CTNNA3: variants seen among roughly 807,000 people sequenced by gnomAD.
CTNNA3 encodes the protein catenin alpha 3.
Under a neutral mutation model 95.7 loss-of-function variants are expected in CTNNA3, and 76 were observed. The ratio of observed to expected loss-of-function variants is 0.79; its 90% CI spans 0.66 to 0.96. The LOEUF (loss-of-function observed/expected upper bound fraction) is 0.96, where lower values mean the gene tolerates loss of function less well. Ranked by LOEUF, CTNNA3 falls within the 40% of genes least tolerant of loss-of-function variation. The probability of loss-of-function intolerance (pLI) is 0.00; values close to 1 mark genes in which losing one functional copy is unlikely to be tolerated. For synonymous variants in CTNNA3, 431 were observed against 374.4 expected, an observed-to-expected ratio of 1.15 and a Z score of -1.74; for missense variants, 1,191 against 1,089.8, an observed-to-expected ratio of 1.09 and a Z score of -1.31.
At chr10:67,611,595 C>T (rs1264455291) in intron 2 of CTNNA3, among the ~76,000 whole-genome samples, 2 of 152,298 alleles carry the variant, frequency 1.3e-5, no homozygotes, top group African/African-American at 4.8e-5. Context: ...GGATTACAGG[C>T]GTGAGCCACT....
Position 67,395,020 on chromosome 10 carries a change from AT to A in CTNNA3, c.579+126821del, listed in dbSNP as rs1264489636. 7.2e-5 allele frequency among the ~76,000 whole-genome samples: 11 copies of A among 152,214 alleles called. No individual in the cohort carries two copies. The East Asian group carries it at 1.9e-3, about 27-fold the overall frequency. Reference sequence around the variant, plus strand: ...TTAATCCTGATTTTTACACTTGCAGATTTTCCCCCACCAAATTTATCTTAAA... The same window carrying A: ...TTAATCCTGATTTTTACACTTGCAGATTTCCCCCACCAAATTTATCTTAAA... On this transcript the variant is annotated intron_variant, in intron 5 of 17. Coordinates refer to ENST00000433211, the MANE Select transcript of CTNNA3 (RefSeq NM_013266.4).
At chr10:66,353,659 G>A (rs531303266) in intron 12 of CTNNA3, among the ~76,000 whole-genome samples, 1 of 151,982 alleles carries the variant, frequency 6.6e-6, no homozygotes, top group Non-Finnish European at 1.5e-5. Flanking sequence ...TGCTAGGGGA[G>A]CAACCAAGCA....
chr10:66,123,320 T>A (rs763866485), intron 13 of CTNNA3, among the ~76,000 whole-genome samples: 14 of 151,994 alleles, frequency 9.2e-5, no homozygotes, highest in Non-Finnish European at 1.5e-4. Flanking sequence ...TCCAAAATGA[T>A]CTCCTTTGAC....
intron 3 of CTNNA3, among the ~76,000 whole-genome samples, chr10:67,556,103 C>T (rs1326878449): frequency 1.3e-5 from 2 of 152,146 alleles, no homozygotes; most frequent in African/African-American, 4.8e-5. Flanking sequence ...AGGGATAAAG[C>T]CCACTTGATC....
chr10:67,564,556 T>C (rs1841674829), intron 3 of CTNNA3, among the ~76,000 whole-genome samples: 1 of 142,956 alleles, frequency 7.0e-6, no homozygotes, highest in African/African-American at 2.6e-5. Context: ...GATGAGTTAA[T>C]CGGTGCAGCA....
chr10:67,381,187 A>G lies in CTNNA3; in HGVS notation c.579+140655T>C, dbSNP rs16924440. 8.4e-4 allele frequency among the ~76,000 whole-genome samples: 128 copies of G among 152,346 alleles called. 2 individuals are homozygous for G. In the East Asian group the frequency reaches 0.023, roughly 28 times the overall value. On this transcript the variant is annotated intron_variant, in intron 5 of 17. Coordinates refer to ENST00000433211, the MANE Select transcript of CTNNA3 (RefSeq NM_013266.4). ...CCATTTGCTAGCCATAAAAACACTG[A>G]AAAGTCAAGGGGAAACATCTGCATA...
At chr10:67,423,011 C>T (rs1025936791) in intron 5 of CTNNA3, among the ~76,000 whole-genome samples, 1 of 152,094 alleles carries the variant, frequency 6.6e-6, no homozygotes, top group African/African-American at 2.4e-5. Flanking sequence ...AGATTTTATG[C>T]TCTTTGGTAA....
At chr10:66,016,231 C>T (rs557457318) in intron 15 of CTNNA3, among the ~76,000 whole-genome samples, 24 of 152,256 alleles carry the variant, frequency 1.6e-4, no homozygotes, top group Non-Finnish European at 3.2e-4. Flanking sequence ...ATTTATGTAA[C>T]CAGCCAGAAG....
intron 15 of CTNNA3, among the ~76,000 whole-genome samples, chr10:66,043,893 T>C (rs756962347): frequency 3.9e-5 from 6 of 152,004 alleles, no homozygotes; most frequent in Non-Finnish European, 8.8e-5. Flanking sequence ...GTAGGAGGCA[T>C]ACCTCAAGGG....
intron 7 of CTNNA3, among the ~76,000 whole-genome samples, chr10:66,984,042 G>A (rs537810611): frequency 1.3e-5 from 2 of 152,260 alleles, no homozygotes; most frequent in African/African-American, 4.8e-5. Context: ...TGTGGTAAGT[G>A]ACATTATGAA....
intron 1 of CTNNA3, among the ~76,000 whole-genome samples, 157 bp downstream of exon 1, chr10:67,695,843 T>A (rs1026899110): frequency 2.0e-5 from 3 of 152,184 alleles, no homozygotes; most frequent in Admixed American, 2.0e-4. Flanking sequence ...TCATAACTAG[T>A]CAAAACATTC....
At chr10:66,413,188 A>G (rs1185164309) in intron 11 of CTNNA3, among the ~76,000 whole-genome samples, 1 of 152,196 alleles carries the variant, frequency 6.6e-6, no homozygotes, top group Non-Finnish European at 1.5e-5. Flanking sequence ...AGCCTACATT[A>G]CAAACCTCTA....
chr10:67,660,372 G>T (rs552078792), intron 1 of CTNNA3, among the ~76,000 whole-genome samples: 251 of 151,962 alleles, frequency 1.7e-3, no homozygotes, highest in Admixed American at 2.7e-3. Flanking sequence ...ATGGAAGCAA[G>T]CAACAAAACA....
intron 7 of CTNNA3, among the ~76,000 whole-genome samples, chr10:66,959,033 C>A (rs1017901230): frequency 1.3e-5 from 2 of 152,200 alleles, no homozygotes; most frequent in East Asian, 3.9e-4. Flanking sequence ...CTTAATTATA[C>A]ACATCCCCAT....
intron 11 of CTNNA3, among the ~76,000 whole-genome samples, chr10:66,497,727 G>A (rs1253901085): frequency 1.3e-5 from 2 of 152,000 alleles, no homozygotes; most frequent in Non-Finnish European, 1.5e-5. Flanking sequence ...AGAAAATCAT[G>A]TTTTCTTCAG....
chr10:65,931,306 T>C (rs2077248957), intron 17 of CTNNA3, among the ~76,000 whole-genome samples: 2 of 152,182 alleles, frequency 1.3e-5, no homozygotes, highest in South Asian at 4.1e-4. Flanking sequence ...ATTTAACTGG[T>C]AGATGTGGGC....
chr10:66,715,345 T>A (rs190197081), intron 9 of CTNNA3, among the ~76,000 whole-genome samples: 1 of 152,212 alleles, frequency 6.6e-6, no homozygotes, highest in East Asian at 1.9e-4. Context: ...AAGATTGTCA[T>A]CCATCTCTTG....
intron 7 of CTNNA3, among the ~76,000 whole-genome samples, chr10:67,070,665 T>C (rs1237965820): frequency 2.6e-5 from 4 of 151,884 alleles, no homozygotes; most frequent in African/African-American, 9.7e-5. Flanking sequence ...GGGAATCGCT[T>C]GAACCCGGGA....
chr10:66,367,469 A>C (rs1589148475), intron 12 of CTNNA3, among the ~76,000 whole-genome samples: 1 of 150,000 alleles, frequency 6.7e-6, no homozygotes, highest in East Asian at 1.9e-4. Context: ...GCAACATTAC[A>C]TATAATACAT....
Sources: gnomAD v4.1 joint callset for allele counts (sites outside exome capture counted in the v4.1 genomes callset) on GRCh38, gnomAD v4.1.1 for gene constraint, MANE v1.5 for transcripts, NCBI Gene and HGNC (gene_info 2026-07-23, HGNC 2026-07-21) for gene names.